The following FAIM2 variants were observed in gnomAD, a reference collection of about 807,000 sequenced individuals.
FAIM2 encodes the protein protein lifeguard 2.
FAIM2 carries 27 observed loss-of-function variants against 47.4 expected under a neutral mutation model. That is an observed-to-expected ratio of 0.57 (90% confidence interval 0.42 to 0.78). FAIM2 has a LOEUF of 0.78. FAIM2 is among the 30% of genes least tolerant of loss of function. The pLI, the probability that FAIM2 is intolerant of heterozygous loss-of-function variation, is 0.00. For missense variants in FAIM2, 311 were observed against 389.4 expected (o/e 0.80, Z 1.69); for synonymous variants, 156 against 159.3 (o/e 0.98, Z 0.16).
At chr12:49,891,201 C>T in intron 5 of FAIM2, 87 bp from the exon 6 acceptor site, 1 of 1,289,138 alleles carries the variant, frequency 7.8e-7, no homozygotes, top group South Asian at 1.2e-5. Context: ...TCTCTGCCAC[C>T]CCCACCCACA....
At chr12:49,901,066 G>T in intron 2 of FAIM2, 64 bp downstream of exon 2, 2 of 1,334,770 alleles carry the variant, frequency 1.5e-6, no homozygotes, top group Non-Finnish European at 2.0e-6. Flanking sequence ...CTCCTACTCA[G>T]GTTTTCCCTC....
chr12:49,891,575 C>A (rs147202166), intron 5 of FAIM2, among the ~76,000 whole-genome samples: 1 of 152,180 alleles, frequency 6.6e-6, no homozygotes, highest in Non-Finnish European at 1.5e-5. Context: ...AGGATGAGAA[C>A]CCAGGCACTC....
rs556026365 is a variant in FAIM2 at position 49,903,805 on chromosome 12, C to A, written c.-13G>T. 4 of 1,541,514 alleles carry A rather than the reference C, an allele frequency of 2.6e-6. No homozygotes were observed. In the South Asian group the frequency reaches 3.6e-5, roughly 14 times the overall value. Reference sequence around the variant, plus strand: ...TTCCCTGGGTCATGGTGCCGTCTCTCGGGGAAGGGGTCCCTGAGGCCCGGG... The same window carrying A: ...TTCCCTGGGTCATGGTGCCGTCTCTAGGGGAAGGGGTCCCTGAGGCCCGGG... On this transcript the variant is annotated 5_prime_UTR_variant, in exon 1 of 12. An upstream open reading frame in the 5' UTR gains an earlier in-frame stop. Coordinates refer to ENST00000320634, the MANE Select transcript of FAIM2 (RefSeq NM_012306.4).
chr12:49,889,110 T>C lies in FAIM2; in HGVS notation c.744A>G (p.Gln248=). The C allele has an allele frequency of 1.9e-6, 3 of 1,606,954 alleles. No homozygotes were observed. Among genetic ancestry groups the C allele is most frequent in the Non-Finnish European group, 1.7e-6 (2 of 1,176,036 alleles). ...GCTGGGGGACCCAGAGACTCACATA[T>C]TGGAAGGGTAGGAGGATGGCCAGGA... ...GLILAILLPF[Q]YVPWLHAVYA... is the part of the protein sequence containing the mutation. The change falls in exon 10 of 12, where the codon CAA becomes CAG. Residue 248 remains glutamine, a synonymous_variant. Transcript: ENST00000320634.
Position 49,898,103 on chromosome 12 carries a change from T to TGGA in FAIM2, c.212-16_212-14dup. The TGGA allele has an allele frequency of 6.2e-7, 1 of 1,602,006 alleles. No homozygotes were observed. Among genetic ancestry groups the TGGA allele is most frequent in the Non-Finnish European group, 8.6e-7 (1 of 1,169,066 alleles). The stretch of plus-strand genomic sequence containing the variant: ...CTGGAGCTGCTGCCTGTGTGGCACG[T>TGGA]GGAGGAGGAGGACATGAGGGTTCCC... On this transcript the variant is annotated splice_polypyrimidine_tract_variant and intron_variant, in intron 2 of 11. Coordinates refer to ENST00000320634, the MANE Select transcript of FAIM2 (RefSeq NM_012306.4).
At chr12:49,902,819 C>T (rs963988749) in intron 1 of FAIM2, 1 of 152,142 alleles carries the variant, frequency 6.6e-6, no homozygotes, top group African/African-American at 2.4e-5. Context: ...GCCCCCGACA[C>T]ACATACGGCA....
intron 3 of FAIM2, 64 bp from the exon 4 acceptor site, chr12:49,897,647 T>G: frequency 8.0e-7 from 1 of 1,246,122 alleles, no homozygotes; most frequent in Non-Finnish European, 1.2e-6. Flanking sequence ...AGCCCCGCAG[T>G]GACTCAGTCA....
intron 7 of FAIM2, 40 bp downstream of exon 7, chr12:49,890,643 C>T: frequency 6.3e-7 from 1 of 1,597,470 alleles, no homozygotes; most frequent in South Asian, 1.1e-5. Flanking sequence ...TCCTCCATCC[C>T]CACTCAGCGT....
At chr12:49,878,790 CTGTGTGTATATG>C (rs2137084545) in intron 11 of FAIM2, among the ~76,000 whole-genome samples, 1 of 37,934 alleles carries the variant, frequency 2.6e-5, no homozygotes, top group African/African-American at 1.8e-4. Flanking sequence ...GTATGTGTGC[CTGTGTGTATATG>C]TGTGCATGTG....
At chr12:49,880,920 T>C (rs1225587571) in intron 11 of FAIM2, among the ~76,000 whole-genome samples, 1 of 151,890 alleles carries the variant, frequency 6.6e-6, no homozygotes, top group Non-Finnish European at 1.5e-5. Context: ...ATGTGCTGTC[T>C]TGGCTTCAGC....
intron 5 of FAIM2, among the ~76,000 whole-genome samples, chr12:49,894,790 C>T (rs1192055085): frequency 1.3e-5 from 2 of 152,206 alleles, no homozygotes; most frequent in East Asian, 3.8e-4. Flanking sequence ...CCTCACTTTC[C>T]TCAACTGTTA....
chr12:49,889,536 A>C lies in FAIM2; in HGVS notation c.596T>G (p.Leu199Arg). 6.2e-7 allele frequency: 1 copy of C among 1,614,112 alleles called. No individual in the cohort carries two copies. Among genetic ancestry groups the C allele is most frequent in the Non-Finnish European group, 8.5e-7 (1 of 1,180,006 alleles). The change falls in exon 9 of 12, where the codon CTG becomes CGG. Residue 199 changes from leucine to arginine, a missense_variant. By Grantham distance (102) the Leu-to-Arg change is moderately radical (BLOSUM62 -2). Transcript: ENST00000320634. ...YYNTTSVLLCLGITALVCLSV... is the reference protein window; with the variant it reads ...YYNTTSVLLCRGITALVCLSV... Reference sequence around the variant, plus strand: ...GAGGCAGACAAGGGCCGTGATGCCCAGGCACAGCAGCACGGAGGTGGTGTT... The same window carrying C: ...GAGGCAGACAAGGGCCGTGATGCCCCGGCACAGCAGCACGGAGGTGGTGTT...
intron 4 of FAIM2, 99 bp downstream of exon 4, chr12:49,897,420 T>C: frequency 8.7e-7 from 1 of 1,151,142 alleles, no homozygotes; most frequent in Non-Finnish European, 1.3e-6. Flanking sequence ...CAGGCATCTC[T>C]CCAGGCAGCA....
At chr12:49,899,127 C>T (rs1946963166) in intron 2 of FAIM2, among the ~76,000 whole-genome samples, 1 of 152,122 alleles carries the variant, frequency 6.6e-6, no homozygotes, top group South Asian at 2.1e-4. Context: ...TGAGCCTCTT[C>T]TGATACTGGT....
intron 2 of FAIM2, chr12:49,900,245 G>A (rs192279132): frequency 1.6e-6 from 2 of 1,282,758 alleles, no homozygotes; most frequent in East Asian, 5.6e-5. Context: ...GACCATGGTG[G>A]CTACTCCCTA....
chr12:49,897,260 G>T (rs920786340), intron 4 of FAIM2, among the ~76,000 whole-genome samples, 176 bp from the exon 5 acceptor site: 2 of 152,222 alleles, frequency 1.3e-5, no homozygotes, highest in Admixed American at 6.5e-5. Flanking sequence ...ACCTGCAGGT[G>T]CCTGGGCAAG....
intron 2 of FAIM2, 152 bp from the exon 3 acceptor site, chr12:49,898,242 C>T (rs1021283964): frequency 5.6e-5 from 36 of 640,152 alleles, no homozygotes; most frequent in East Asian, 1.4e-4. Flanking sequence ...ACACCCAGCC[C>T]GGCTCCACCC....
intron 4 of FAIM2, 33 bp from the exon 5 acceptor site, chr12:49,897,117 G>C (rs764852188): frequency 6.5e-7 from 1 of 1,549,942 alleles, no homozygotes; most frequent in Non-Finnish European, 8.9e-7. Flanking sequence ...GAGAGAGTCA[G>C]AATGTACCCT....
intron 4 of FAIM2, among the ~76,000 whole-genome samples, 156 bp downstream of exon 4, chr12:49,897,363 T>C (rs1190609188): frequency 6.6e-6 from 1 of 152,124 alleles, no homozygotes; most frequent in African/African-American, 2.4e-5. Context: ...CCTTGCCTGG[T>C]GCCCTCTCTA....
Sources: allele counts gnomAD v4.1 joint callset (sites outside exome capture counted in the v4.1 genomes callset), GRCh38; gene constraint gnomAD v4.1.1; transcripts MANE v1.5; gene names NCBI Gene and HGNC (gene_info 2026-07-23, HGNC 2026-07-21).